GPR176: variants seen among roughly 807,000 people sequenced by gnomAD.
GPR176 encodes the protein G protein-coupled receptor 176.
A neutral mutation model predicts 35.4 loss-of-function variants in GPR176; 26 were observed. The ratio of observed to expected loss-of-function variants is 0.74; its 90% confidence interval spans 0.54 to 1.02. The LOEUF is 1.02. GPR176 is among the 50% of genes least tolerant of loss of function. The pLI is 0.00. For missense variants in GPR176, 597 were observed against 665.3 expected (o/e 0.90, Z 1.13); for synonymous variants, 278 against 271.3 (o/e 1.02, Z -0.24).
intron 1 of GPR176, among the ~76,000 whole-genome samples, chr15:39,893,280 T>C (rs1474748335): frequency 1.3e-5 from 2 of 152,076 alleles, no homozygotes; most frequent in Non-Finnish European, 2.9e-5. Context: ...CCCTGGGTAC[T>C]TGAGATTAGG....
Position 39,807,073 on chromosome 15 carries a change from C to T in GPR176, c.358G>A (p.Val120Ile), listed in dbSNP as rs749572171. ...CAGAATACTTTGTGCAAAAATTTGACGACCTTGCAGAAGAGCATGGTGTAG... is the reference window on the plus strand; with the variant it reads ...CAGAATACTTTGTGCAAAAATTTGATGACCTTGCAGAAGAGCATGGTGTAG... ...WIYTMLFCKVVKFLHKVFCSV... is the reference protein window; with the variant it reads ...WIYTMLFCKVIKFLHKVFCSV... The change falls in exon 2 of 3, where the codon GTC (valine) becomes ATC (isoleucine). Residue 120 changes from valine (V) to isoleucine (I), a missense_variant. By Grantham distance (29) the Val-to-Ile change is conservative (BLOSUM62 3). This residue lies in a region of GPR176 where 220 missense variants were observed against 297.6 expected (regional missense o/e 0.74). Transcript: ENST00000561100. The T allele has an allele frequency of 5.2e-5, 84 of 1,613,328 alleles. No individual in the cohort carries two copies. Among genetic ancestry groups the T allele is most frequent in the Non-Finnish European group, 6.7e-5 (79 of 1,179,544 alleles).
At chr15:39,836,804 T>C (rs533920092) in intron 1 of GPR176, among the ~76,000 whole-genome samples, 75 of 152,302 alleles carry the variant, frequency 4.9e-4, no homozygotes, top group Admixed American at 3.0e-3. Context: ...AATGTCCTTG[T>C]TCTTTGAGTC....
chr15:39,862,025 G>A (rs2031618691), intron 1 of GPR176: 1 of 152,160 alleles, frequency 6.6e-6, no homozygotes. Context: ...TCTAGTGGTT[G>A]CCTGACTAGA....
At chr15:39,854,771 T>C (rs1458589167) in intron 1 of GPR176, among the ~76,000 whole-genome samples, 2 of 152,078 alleles carry the variant, frequency 1.3e-5, no homozygotes, top group Non-Finnish European at 2.9e-5. Context: ...GCACAGTGGC[T>C]CATACCTGTA....
At chr15:39,809,783 C>A (rs1416188497) in intron 1 of GPR176, among the ~76,000 whole-genome samples, 2 of 152,194 alleles carry the variant, frequency 1.3e-5, no homozygotes, top group Non-Finnish European at 1.5e-5. Flanking sequence ...TGGTACAAGT[C>A]TGCCCTCCCT....
intron 1 of GPR176, among the ~76,000 whole-genome samples, chr15:39,871,642 C>T (rs1052380477): frequency 3.3e-5 from 5 of 152,176 alleles, no homozygotes; most frequent in African/African-American, 9.7e-5. Flanking sequence ...TTTCCTAATA[C>T]TCTACTGTAG....
At chr15:39,903,400 G>A (rs891802075) in intron 1 of GPR176, among the ~76,000 whole-genome samples, 3 of 152,050 alleles carry the variant, frequency 2.0e-5, no homozygotes, top group Admixed American at 1.3e-4. Context: ...ATCATTCCTG[G>A]GTGTGTGAGT....
chr15:39,904,078 A>G (rs907866172), intron 1 of GPR176, among the ~76,000 whole-genome samples: 3 of 152,174 alleles, frequency 2.0e-5, no homozygotes, highest in Admixed American at 1.3e-4. Context: ...GTAAACTGTC[A>G]TGGCACTGGT....
intron 1 of GPR176, among the ~76,000 whole-genome samples, chr15:39,879,233 T>C (rs1290250574): frequency 6.6e-6 from 1 of 152,206 alleles, no homozygotes. Context: ...GAGGCAAAGC[T>C]AGCCTAAAAC....
rs550066705 is a variant in GPR176 at position 39,809,397 on chromosome 15, C to T, written c.173-2139G>A. Among the ~76,000 whole-genome samples, 384 of 151,854 alleles carry T rather than the reference C, an allele frequency of 2.5e-3. 2 individuals carry two copies. Among genetic ancestry groups the T allele is most frequent in the Middle Eastern group, 6.8e-3 (2 of 294 alleles). ...AAATAAATGTGTGTGTGTGTGTGTGCGTGTGCATGTACATGTGCATGCCCA... is the reference window on the plus strand; with the variant it reads ...AAATAAATGTGTGTGTGTGTGTGTGTGTGTGCATGTACATGTGCATGCCCA... On this transcript the variant is annotated intron_variant, in intron 1 of 2. Transcript: ENST00000561100.
intron 1 of GPR176, among the ~76,000 whole-genome samples, chr15:39,853,823 A>G (rs1427345972): frequency 2.0e-5 from 3 of 152,182 alleles, no homozygotes; most frequent in Non-Finnish European, 4.4e-5. Flanking sequence ...CAGAATGTCA[A>G]TAGTGTCAGG....
intron 1 of GPR176, among the ~76,000 whole-genome samples, chr15:39,898,256 C>T (rs989527550): frequency 6.6e-6 from 1 of 151,042 alleles, no homozygotes; most frequent in Non-Finnish European, 1.5e-5. Context: ...TTTTTTCAAA[C>T]AAGATTTACG....
chr15:39,848,960 G>A (rs545758225), intron 1 of GPR176, among the ~76,000 whole-genome samples: 3 of 147,378 alleles, frequency 2.0e-5, no homozygotes, highest in African/African-American at 5.0e-5. Context: ...GCAGAAGAGA[G>A]GAAATAATAA....
intron 1 of GPR176, among the ~76,000 whole-genome samples, chr15:39,849,923 T>C (rs139868992): frequency 6.6e-6 from 1 of 152,286 alleles, no homozygotes; most frequent in East Asian, 1.9e-4. Context: ...GGCTATATGA[T>C]ATAGCCTATT....
intron 1 of GPR176, among the ~76,000 whole-genome samples, chr15:39,812,828 G>A (rs745901189): frequency 9.3e-5 from 14 of 150,668 alleles, no homozygotes; most frequent in East Asian, 2.0e-4. Flanking sequence ...TGCAACCTCC[G>A]CTCCCCGCAG....
chr15:39,800,978 G>T lies in GPR176; in HGVS notation c.*154C>A. 1 of 665,470 alleles carries T rather than the reference G, an allele frequency of 1.5e-6. No homozygotes were observed. 41.2% of individuals were successfully genotyped at this position (665,470 alleles called of 1,614,324 possible). ...TAAAGAGGACACTGGATTTTATGTA[G>T]ATTTCCCTATCATTCAAAAGCATCT... On this transcript the variant is annotated 3_prime_UTR_variant, in exon 3 of 3. Transcript: ENST00000561100.
chr15:39,842,989 C>G (rs957359062), intron 1 of GPR176, among the ~76,000 whole-genome samples: 1 of 151,704 alleles, frequency 6.6e-6, no homozygotes, highest in African/African-American at 2.4e-5. Flanking sequence ...GAATCATACT[C>G]AAAGAGAAGA....
chr15:39,838,524 C>T (rs1382421597), intron 1 of GPR176, among the ~76,000 whole-genome samples: 1 of 152,014 alleles, frequency 6.6e-6, no homozygotes, highest in African/African-American at 2.4e-5. Context: ...CATAAGGGTT[C>T]AATATATTCA....
intron 1 of GPR176, among the ~76,000 whole-genome samples, chr15:39,857,925 G>A (rs1468518202): frequency 2.0e-5 from 3 of 148,678 alleles, no homozygotes; most frequent in Admixed American, 6.7e-5. Flanking sequence ...GAGCCGAGAT[G>A]GCGCCACTGC....
Sources: allele counts gnomAD v4.1 joint callset (sites outside exome capture counted in the v4.1 genomes callset), GRCh38; gene constraint gnomAD v4.1.1; regional missense constraint gnomAD v4.1.1; transcripts MANE v1.5; gene names NCBI Gene and HGNC (gene_info 2026-07-23, HGNC 2026-07-21).